The following SNTG1 variants were observed in gnomAD, a reference collection of about 807,000 sequenced individuals.
SNTG1 encodes syntrophin gamma 1, also known as gamma-1-syntrophin.
SNTG1 carries 39 observed loss-of-function variants against 74.7 expected under a neutral mutation model. The ratio of observed to expected loss-of-function variants is 0.52; its 90% CI spans 0.40 to 0.68. SNTG1 has a LOEUF of 0.68. SNTG1 is among the 30% of genes least tolerant of loss of function. The probability of loss-of-function intolerance (pLI) is 0.00; values close to 1 mark genes in which losing one functional copy is unlikely to be tolerated. For missense variants in SNTG1, 685 were observed against 609.5 expected (o/e 1.12, Z -1.30); for synonymous variants, 254 against 217.1 (o/e 1.17, Z -1.49).
intron 1 of SNTG1, among the ~76,000 whole-genome samples, chr8:50,125,485 C>T (rs1274737558): frequency 7.1e-6 from 1 of 141,750 alleles, no homozygotes; most frequent in Non-Finnish European, 1.6e-5. Flanking sequence ...ATGGAAATCT[C>T]TCAAATATAT....
chr8:50,078,346 A>G (rs1253171292), intron 1 of SNTG1, among the ~76,000 whole-genome samples: 3 of 152,172 alleles, frequency 2.0e-5, no homozygotes, highest in Admixed American at 1.3e-4. Flanking sequence ...TTGAATCTAT[A>G]TATACATTTG....
intron 8 of SNTG1, among the ~76,000 whole-genome samples, chr8:50,464,485 G>A (rs1224444681): frequency 2.0e-5 from 3 of 152,140 alleles, no homozygotes; most frequent in Non-Finnish European, 4.4e-5. Flanking sequence ...AGGAAGGCCT[G>A]CAGAGAGGGA....
At chr8:50,444,005 G>A in intron 5 of SNTG1, among the ~76,000 whole-genome samples, 1 of 152,140 alleles carries the variant, frequency 6.6e-6, no homozygotes, top group South Asian at 2.1e-4. Flanking sequence ...GGGCATGGTG[G>A]CACATGCCTG....
At chr8:50,553,782 C>A (rs767236528) in intron 12 of SNTG1, among the ~76,000 whole-genome samples, 1 of 152,092 alleles carries the variant, frequency 6.6e-6, no homozygotes, top group African/African-American at 2.4e-5. Flanking sequence ...TTCTTTCCCC[C>A]GTTATTAATA....
At chr8:50,413,650 T>C (rs1563353107) in intron 4 of SNTG1, among the ~76,000 whole-genome samples, 1 of 152,226 alleles carries the variant, frequency 6.6e-6, no homozygotes, top group South Asian at 2.1e-4. Flanking sequence ...GCCATTATCT[T>C]TGAAGAGCCT....
intron 8 of SNTG1, among the ~76,000 whole-genome samples, chr8:50,496,357 G>A (rs764839394): frequency 2.6e-5 from 4 of 152,128 alleles, no homozygotes; most frequent in Non-Finnish European, 4.4e-5. Flanking sequence ...TCTGTGAAGG[G>A]AGGTGTGTGC....
rs532824737 is a variant in SNTG1 at position 50,645,907 on chromosome 8, C to A, written c.850-11002C>A. On this transcript the variant is annotated intron_variant, in intron 13 of 18. Transcript: ENST00000642720. ...GGAAATGCTGAGGGGGAAAGTGTCT[C>A]GGAGGGGATGCACATCTCTGAGCTT... 2.0e-5 allele frequency among the ~76,000 whole-genome samples: 3 copies of A among 152,114 alleles called. No homozygotes were observed. In the South Asian group the frequency reaches 6.2e-4, roughly 32 times the overall value.
chr8:50,210,045 A>C (rs2084440011), intron 2 of SNTG1, among the ~76,000 whole-genome samples: 1 of 152,190 alleles, frequency 6.6e-6, no homozygotes, highest in Non-Finnish European at 1.5e-5. Flanking sequence ...GAACTCATGG[A>C]GCTGAAAACC....
At chr8:50,284,352 A>C (rs2088642472) in intron 2 of SNTG1, among the ~76,000 whole-genome samples, 1 of 152,062 alleles carries the variant, frequency 6.6e-6, no homozygotes, top group Non-Finnish European at 1.5e-5. Context: ...ACAGAGGTAA[A>C]TTACCATTTT....
intron 18 of SNTG1, among the ~76,000 whole-genome samples, chr8:50,754,324 A>T (rs2131709963): frequency 6.6e-6 from 1 of 152,102 alleles, no homozygotes; most frequent in South Asian, 2.1e-4. Flanking sequence ...CCAATAATGT[A>T]TAAAAGATCC....
At chr8:50,400,490 T>C (rs533649963) in intron 3 of SNTG1, among the ~76,000 whole-genome samples, 1 of 152,314 alleles carries the variant, frequency 6.6e-6, no homozygotes, top group South Asian at 2.1e-4. Flanking sequence ...CAGATGTCCC[T>C]TTGACATACT....
chr8:50,760,087 T>A (rs1430449550), intron 18 of SNTG1, among the ~76,000 whole-genome samples: 1 of 152,118 alleles, frequency 6.6e-6, no homozygotes, highest in East Asian at 1.9e-4. Flanking sequence ...TGCCTAGTTG[T>A]TTTATTTTCT....
At chr8:50,437,960 A>G (rs1360680739) in intron 4 of SNTG1, among the ~76,000 whole-genome samples, 1 of 152,232 alleles carries the variant, frequency 6.6e-6, no homozygotes, top group African/African-American at 2.4e-5. Flanking sequence ...AAAGTTGATA[A>G]TTCAATTATC....
At chr8:49,948,232 G>T (rs1355901989) in intron 1 of SNTG1, among the ~76,000 whole-genome samples, 1 of 152,122 alleles carries the variant, frequency 6.6e-6, no homozygotes, top group Non-Finnish European at 1.5e-5. Context: ...CACAGAGACT[G>T]ATATTTTAAT....
chr8:50,490,067 T>C (rs137965246), intron 8 of SNTG1, among the ~76,000 whole-genome samples: 70 of 152,258 alleles, frequency 4.6e-4, no homozygotes, highest in African/African-American at 1.5e-3. Flanking sequence ...GTTTGTCAAA[T>C]ATCAGATGGT....
intron 8 of SNTG1, among the ~76,000 whole-genome samples, chr8:50,492,740 A>G (rs2093868898): frequency 6.6e-6 from 1 of 152,148 alleles, no homozygotes; most frequent in South Asian, 2.1e-4. Flanking sequence ...TAGTTTAATG[A>G]GACGTATTTG....
intron 1 of SNTG1, among the ~76,000 whole-genome samples, chr8:50,168,855 T>G (rs958458216): frequency 5.9e-5 from 9 of 152,164 alleles, no homozygotes; most frequent in Non-Finnish European, 1.5e-5. Context: ...TTCTCCCAAA[T>G]TTAACATCTT....
intron 1 of SNTG1, among the ~76,000 whole-genome samples, chr8:49,966,531 A>G (rs1376595296): frequency 1.3e-5 from 2 of 151,822 alleles, no homozygotes; most frequent in African/African-American, 2.4e-5. Flanking sequence ...AGTAGCTGGG[A>G]CTACAGGCAC....
intron 12 of SNTG1, among the ~76,000 whole-genome samples, chr8:50,579,613 T>A (rs867836863): frequency 2.6e-5 from 4 of 152,138 alleles, no homozygotes; most frequent in African/African-American, 9.7e-5. Context: ...TCGCAGCTGC[T>A]CTGGCTATGG....
Sources: allele counts gnomAD v4.1 joint callset (sites outside exome capture counted in the v4.1 genomes callset), GRCh38; gene constraint gnomAD v4.1.1; transcripts MANE v1.5; gene names NCBI Gene and HGNC (gene_info 2026-07-23, HGNC 2026-07-21).